KIF2C: variants seen among roughly 807,000 people sequenced by gnomAD.
The protein encoded by KIF2C is kinesin family member 2C.
A neutral mutation model predicts 97.4 loss-of-function variants in KIF2C; 34 were observed. That is an observed-to-expected ratio of 0.35 (90% confidence interval 0.27 to 0.46). The LOEUF is 0.46. Ranked by LOEUF, KIF2C falls within the 20% of genes least tolerant of loss-of-function variation. KIF2C has a pLI of 1.00. For synonymous variants in KIF2C, 313 were observed against 318.2 expected (o/e 0.98, Z 0.17); for missense variants, 750 against 907.6 (o/e 0.83, Z 2.23).
rs751593946 is a variant in KIF2C, at chr1:44,753,173, C to A, written c.481C>A (p.Pro161Thr). 2 of 1,613,898 alleles carry A rather than the reference C, an allele frequency of 1.2e-6. No individual in the cohort carries two copies. Among genetic ancestry groups the A allele is most frequent in the Non-Finnish European group, 1.7e-6 (2 of 1,179,876 alleles). Residue 161 changes from proline (P) to threonine (T), a missense_variant, in exon 6 of 21, where the codon CCA (proline) becomes ACA (threonine). Coordinates refer to ENST00000372224, the MANE Select transcript of KIF2C (RefSeq NM_006845.4). Reference protein sequence around the residue: ...RPSCPAVAEIPLRMVSEEMEE... With the variant: ...RPSCPAVAEITLRMVSEEMEE... ...TTCCTGCCCTGCAGTGGCTGAAATA[C>A]CATTGAGGATGGTCAGCGAGGAGAT...
chr1:44,740,178 G>C, intron 1 of KIF2C, 176 bp downstream of exon 1: 1 of 751,758 alleles, frequency 1.3e-6, no homozygotes. Context: ...ACAGGGGTGA[G>C]AGTCCCTGCG....
intron 13 of KIF2C, chr1:44,758,952 A>G: frequency 2.1e-6 from 1 of 487,618 alleles, no homozygotes; most frequent in Non-Finnish European, 3.8e-6. Context: ...TACAGATGAG[A>G]TGCAAGGCTA....
chr1:44,747,023 G>A (rs565732039), intron 2 of KIF2C, among the ~76,000 whole-genome samples: 49 of 151,834 alleles, frequency 3.2e-4, no homozygotes, highest in Non-Finnish European at 6.3e-4. Flanking sequence ...TCAGCCTCGG[G>A]GGGGCCAGGC....
At chr1:44,746,129 C>T (rs758316765) in intron 2 of KIF2C, among the ~76,000 whole-genome samples, 4 of 152,186 alleles carry the variant, frequency 2.6e-5, no homozygotes, top group East Asian at 1.9e-4. Context: ...CCGCCCACCT[C>T]GGCCTCCCAA....
chr1:44,748,217 T>TGTGACTCTAGGGGGTAA (rs1030491671), intron 4 of KIF2C, among the ~76,000 whole-genome samples: 4 of 152,294 alleles, frequency 2.6e-5, no homozygotes, highest in African/African-American at 9.6e-5. Flanking sequence ...CATGATAGAC[T>TGTGACTCTAGGGGGTAA]GTGACTCTAG....
Position 44,760,441 on chromosome 1 carries a change from G to A in KIF2C, c.1529G>A (p.Arg510His), listed in dbSNP as rs779563382. ...ADTSSADRQT[R>H]MEGAEINKSL... ...ACTTCCAGTGCTGACCGGCAGACCC[G>A]CATGGAGGGCGCAGAAATCAACAAG... Residue 510 changes from arginine (R) to histidine (H), a missense_variant, in exon 15 of 21, where the codon CGC becomes CAC. By Grantham distance (29) the Arg-to-His change is conservative. Transcript: ENST00000372224. This position sits in a 1 kb window ranked among gnomAD's most constrained non-coding sequence, Gnocchi z 4.2. 1.1e-5 allele frequency: 18 copies of A among 1,614,086 alleles called. No individual in the cohort carries two copies. The highest frequency in any genetic ancestry group is 4.5e-5 in the East Asian group (2 of 44,900).
In KIF2C at chr1:44,757,911, A is replaced by G. The variant is rs1177779711; in HGVS notation, c.1072A>G (p.Met358Val). The part of the protein sequence containing the change: ...GQTGSGKTHT[M>V]GGDLSGKAQN... ...CTTCTACCCCTTCCCTTTGCAGACT[A>G]TGGGCGGAGACCTCTCTGGGAAAGC... The change falls in exon 12 of 21, where the codon ATG becomes GTG. Residue 358 changes from methionine (M) to valine (V), a missense_variant. Physicochemically the swap from Met to Val is conservative, Grantham distance 21 (BLOSUM62 1). Coordinates refer to ENST00000372224, the MANE Select transcript of KIF2C (RefSeq NM_006845.4). The G allele has an allele frequency of 2.5e-6, 4 of 1,613,978 alleles. No individual in the cohort carries two copies. The South Asian group carries it at 4.4e-5, about 18-fold the overall frequency.
chr1:44,759,653 A>G (rs968159332), intron 14 of KIF2C, among the ~76,000 whole-genome samples: 29 of 152,204 alleles, frequency 1.9e-4, no homozygotes, highest in African/African-American at 7.0e-4. Context: ...GCACCACTGC[A>G]CTCCAGTCTG....
In KIF2C at chr1:44,765,255, C is replaced by CA. The variant is rs541824815; in HGVS notation, c.1972-1565dup. Reference sequence around the variant, plus strand: ...CCTGGGTAACATGGCCCCATCTCTACAAAAAATAAAAATAAATAAATATCC... The same window carrying CA: ...CCTGGGTAACATGGCCCCATCTCTACAAAAAAATAAAAATAAATAAATATCC... On this transcript the variant is annotated intron_variant, in intron 19 of 20. Coordinates refer to ENST00000372224, the MANE Select transcript of KIF2C (RefSeq NM_006845.4). Among the ~76,000 whole-genome samples the CA allele has an allele frequency of 5.4e-3, 825 of 151,876 alleles. 6 individuals carry two copies. The highest frequency in any genetic ancestry group is 9.7e-3 in the Non-Finnish European group (661 of 67,942).
At chr1:44,751,841 A>C (rs1172715133) in intron 5 of KIF2C, among the ~76,000 whole-genome samples, 3 of 13,884 alleles carry the variant, frequency 2.2e-4, no homozygotes, top group African/African-American at 5.8e-4. Flanking sequence ...TTTTTTTTTG[A>C]GATGGAGTCT....
At chr1:44,756,602 G>T (rs1178704682) in intron 10 of KIF2C, among the ~76,000 whole-genome samples, 1 of 141,956 alleles carries the variant, frequency 7.0e-6, no homozygotes, top group African/African-American at 2.7e-5. Context: ...GCCCAGACTG[G>T]AATGCAGGGG....
chr1:44,753,146 C>A lies in KIF2C; in HGVS notation c.454C>A (p.Pro152Thr). Residue 152 changes from proline to threonine, a missense_variant, in exon 6 of 21, where the codon CCT (proline) becomes ACT (threonine). By Grantham distance (38) the Pro-to-Thr change is conservative (BLOSUM62 -1). Transcript: ENST00000372224. Reference sequence around the variant, plus strand: ...TTCCCCTACAGCTGCCCCCACTAGGCCTTCCTGCCCTGCAGTGGCTGAAAT... The same window carrying A: ...TTCCCCTACAGCTGCCCCCACTAGGACTTCCTGCCCTGCAGTGGCTGAAAT... ...QFSVPPAPTR[P>T]SCPAVAEIPL... The A allele has an allele frequency of 6.2e-7, 1 of 1,612,716 alleles. No homozygotes were observed. Among genetic ancestry groups the A allele is most frequent in the South Asian group, 1.1e-5 (1 of 90,990 alleles).
Position 44,750,015 on chromosome 1 carries a change from G to A in KIF2C, c.317-427G>A, listed in dbSNP as rs1649421321. Among the ~76,000 whole-genome samples the A allele has an allele frequency of 1.3e-5, 2 of 150,318 alleles. 1 individual carries two copies. The highest frequency in any genetic ancestry group is 1.3e-4 in the Admixed American group (2 of 15,030). On this transcript the variant is annotated intron_variant, in intron 4 of 20. Coordinates refer to ENST00000372224, the MANE Select transcript of KIF2C (RefSeq NM_006845.4). The stretch of plus-strand genomic sequence containing the variant: ...GAGAATTGCTTGAACCCAGGAGGTG[G>A]AGGTTGCAGTGAGCCGAGATCGCGC...
chr1:44,754,947 T>A (rs1649737695), intron 8 of KIF2C, 102 bp downstream of exon 8: 2 of 713,882 alleles, frequency 2.8e-6, no homozygotes, highest in East Asian at 2.6e-5. Context: ...TACTCACCTT[T>A]GAGGGTTTTA....
chr1:44,761,843 G>A, intron 16 of KIF2C, 73 bp from the exon 17 acceptor site: 3 of 1,364,842 alleles, frequency 2.2e-6, no homozygotes, highest in Non-Finnish European at 3.1e-6. Flanking sequence ...CTGACTGGAG[G>A]CCCCTCAGGG....
intron 4 of KIF2C, among the ~76,000 whole-genome samples, chr1:44,749,353 G>A (rs1420282631): frequency 1.3e-5 from 2 of 152,156 alleles, no homozygotes; most frequent in Non-Finnish European, 2.9e-5. Flanking sequence ...AGAATCGTTT[G>A]AGCCCGGGGG....
chr1:44,739,887 G>A lies in KIF2C; in HGVS notation c.-46G>A, dbSNP rs528564544. ...AAGACTTCGTAGGGTTAGCGAAATT[G>A]AGGTTTCTTGGTATTGCGCGTTTCT... On this transcript the variant is annotated 5_prime_UTR_variant, in exon 1 of 21. Coordinates refer to ENST00000372224, the MANE Select transcript of KIF2C (RefSeq NM_006845.4). The A allele has an allele frequency of 3.2e-6, 5 of 1,553,868 alleles. 1 individual carries two copies. In the South Asian group the frequency reaches 5.6e-5, roughly 17 times the overall value.
intron 4 of KIF2C, among the ~76,000 whole-genome samples, chr1:44,747,919 C>G (rs1457275688): frequency 1.3e-5 from 2 of 152,230 alleles, no homozygotes; most frequent in African/African-American, 4.8e-5. Context: ...GCTGCCTGGC[C>G]TAGAAACCTT....
At chr1:44,740,779 GTTTT>G (rs11403922) in intron 1 of KIF2C, 130 bp from the exon 2 acceptor site, 265 of 250,406 alleles carry the variant, frequency 1.1e-3, no homozygotes, top group East Asian at 2.1e-3. Flanking sequence ...GTTTCTCTTA[GTTTT>G]TTTTTTTTTT....
Sources: gnomAD v4.1 joint callset for allele counts (sites outside exome capture counted in the v4.1 genomes callset) on GRCh38, gnomAD v4.1.1 for gene constraint, Gnocchi (gnomAD v3.1) non-coding constraint, MANE v1.5 for transcripts, NCBI Gene and HGNC (gene_info 2026-07-23, HGNC 2026-07-21) for gene names.